Variants in FCHO2 observed in about 807,000 individuals in gnomAD.
The protein encoded by FCHO2 is F-BAR domain only protein 2.
A neutral mutation model predicts 114.1 loss-of-function variants in FCHO2; 43 were observed. The ratio of observed to expected loss-of-function variants is 0.38; its 90% CI spans 0.30 to 0.49. FCHO2 has a LOEUF of 0.49. FCHO2 is among the 20% of genes least tolerant of loss of function. The probability of loss-of-function intolerance (pLI) is 0.97; values close to 1 mark genes in which losing one functional copy is unlikely to be tolerated. For synonymous variants in FCHO2, 293 were observed against 315.2 expected, an observed-to-expected ratio of 0.93 and a Z score of 0.75; for missense variants, 807 against 950.4, an observed-to-expected ratio of 0.85 and a Z score of 1.98.
intron 2 of FCHO2, among the ~76,000 whole-genome samples, chr5:72,972,053 G>C (rs534363302): frequency 6.6e-6 from 1 of 151,978 alleles, no homozygotes; most frequent in East Asian, 1.9e-4. Flanking sequence ...CTGTTCCATT[G>C]ATCTATATCT....
chr5:73,049,886 A>G (rs911552947), intron 11 of FCHO2, among the ~76,000 whole-genome samples: 2 of 152,162 alleles, frequency 1.3e-5, no homozygotes, highest in Non-Finnish European at 2.9e-5. Flanking sequence ...ATACACATAG[A>G]TATATACATA....
intron 2 of FCHO2, among the ~76,000 whole-genome samples, chr5:72,988,656 G>A (rs1753663746): frequency 6.6e-6 from 1 of 152,150 alleles, no homozygotes; most frequent in Admixed American, 6.5e-5. Flanking sequence ...AGCCATGAAT[G>A]AAGTTCAGGA....
chr5:73,047,514 C>T (rs1280689173), intron 11 of FCHO2, among the ~76,000 whole-genome samples: 2 of 151,248 alleles, frequency 1.3e-5, no homozygotes, highest in Non-Finnish European at 2.9e-5. Context: ...TAAAAATTAG[C>T]AGTATTTCCT....
chr5:72,972,816 C>G (rs1752637627), intron 2 of FCHO2, among the ~76,000 whole-genome samples: 1 of 152,206 alleles, frequency 6.6e-6, no homozygotes, highest in South Asian at 2.1e-4. Context: ...TTTGCCCATT[C>G]AGTATGATAT....
intron 2 of FCHO2, among the ~76,000 whole-genome samples, chr5:72,972,552 G>A (rs914750136): frequency 2.6e-5 from 4 of 151,986 alleles, no homozygotes; most frequent in African/African-American, 9.7e-5. Flanking sequence ...CATTGATTTT[G>A]TATCCTGAGA....
At chr5:73,054,594 T>A in intron 15 of FCHO2, 45 bp downstream of exon 15, 1 of 1,396,024 alleles carries the variant, frequency 7.2e-7, no homozygotes, top group Non-Finnish European at 9.8e-7. Flanking sequence ...TATTAAAATT[T>A]ATAAGGCAAT....
intron 6 of FCHO2, among the ~76,000 whole-genome samples, chr5:73,012,251 C>T (rs1350974813): frequency 6.6e-6 from 1 of 152,156 alleles, no homozygotes; most frequent in Non-Finnish European, 1.5e-5. Flanking sequence ...CTATTATAAT[C>T]TTCTGGTACC....
intron 1 of FCHO2, among the ~76,000 whole-genome samples, chr5:72,960,674 A>G (rs935609582): frequency 1.3e-5 from 2 of 152,192 alleles, no homozygotes; most frequent in Admixed American, 6.5e-5. Flanking sequence ...CAACATTGCT[A>G]TGTAATAATT....
At chr5:73,047,586 A>G (rs1401735366) in intron 11 of FCHO2, among the ~76,000 whole-genome samples, 3 of 149,618 alleles carry the variant, frequency 2.0e-5, no homozygotes, top group Admixed American at 6.7e-5. Flanking sequence ...TAACAGCTAC[A>G]TAGTATAATC....
rs750158834 is a variant in FCHO2, at chr5:72,968,507, A to G, written c.43A>G (p.Asn15Asp). The change falls in exon 2 of 26, where the codon AAT becomes GAT. Residue 15 changes from asparagine to aspartate, a missense_variant. Coordinates refer to ENST00000430046, the MANE Select transcript of FCHO2 (RefSeq NM_138782.3). ...TCTTTTTAAATTTTAGGGGGAAAAA[A>G]ATAGTGGCTTTGATGTCCTCTACCA... is the stretch of plus-strand genomic sequence containing the variant. ...YFVENFWGEK[N>D]SGFDVLYHNM... The G allele has an allele frequency of 2.0e-6, 3 of 1,507,356 alleles. No individual in the cohort carries two copies. The highest frequency in any genetic ancestry group is 1.8e-6 in the Non-Finnish European group (2 of 1,136,732). The allele number at this position is 1,507,356 out of a possible 1,614,324, so 93.4% of individuals were successfully genotyped here.
At chr5:73,000,471 T>TA (rs759939269) in intron 5 of FCHO2, among the ~76,000 whole-genome samples, 1,137 of 74,270 alleles carry the variant, frequency 0.015, 14 homozygotes, top group Middle Eastern at 0.035. Context: ...AACTCAGTCT[T>TA]AAAAAAAAAA....
At chr5:73,043,847 G>A (rs963031634) in intron 11 of FCHO2, among the ~76,000 whole-genome samples, 45 of 152,152 alleles carry the variant, frequency 3.0e-4, no homozygotes, top group East Asian at 1.9e-4. Context: ...GTAGAGAAAG[G>A]AGACTTGTTT....
chr5:72,987,590 G>A (rs1205256662), intron 2 of FCHO2, among the ~76,000 whole-genome samples: 2 of 149,806 alleles, frequency 1.3e-5, no homozygotes, highest in African/African-American at 2.5e-5. Flanking sequence ...TGCCAGCCTC[G>A]GCCTCCCAAA....
intron 1 of FCHO2, among the ~76,000 whole-genome samples, chr5:72,964,990 C>G (rs2112592529): frequency 6.6e-6 from 1 of 151,314 alleles, no homozygotes; most frequent in East Asian, 1.9e-4. Flanking sequence ...TAGCAGCCAT[C>G]TTGGTTATCA....
intron 1 of FCHO2, among the ~76,000 whole-genome samples, chr5:72,967,337 T>C (rs956986128): frequency 6.6e-6 from 1 of 152,158 alleles, no homozygotes; most frequent in African/African-American, 2.4e-5. Context: ...GCACATAGCC[T>C]CTTCTCTTTT....
At chr5:72,983,868 A>G (rs2112651510) in intron 2 of FCHO2, among the ~76,000 whole-genome samples, 1 of 151,918 alleles carries the variant, frequency 6.6e-6, no homozygotes, top group East Asian at 1.9e-4. Context: ...GTATGCATAT[A>G]TATATATATA....
chr5:72,956,122 AT>A lies in FCHO2; in HGVS notation c.31del (p.Trp11GlyfsTer15). 1 of 1,540,800 alleles carries A rather than the reference AT, an allele frequency of 6.5e-7. No individual in the cohort carries two copies. The highest frequency in any genetic ancestry group is 2.0e-5 in the Admixed American group (1 of 50,128). On this transcript the variant is annotated frameshift_variant, in exon 1 of 26. Coordinates refer to ENST00000430046, the MANE Select transcript of FCHO2 (RefSeq NM_138782.3). LOFTEE classifies it high-confidence loss of function. MVMAYFVE[N>X]FWGEKNSGFD... ...ATGGTCATGGCGTATTTCGTCGAGAATTTTTGGGTAAGCTTAGGATGTTGGA... is the reference window on the plus strand; with the variant it reads ...ATGGTCATGGCGTATTTCGTCGAGAATTTTGGGTAAGCTTAGGATGTTGGA...
At chr5:72,988,396 C>T (rs1307175300) in intron 2 of FCHO2, among the ~76,000 whole-genome samples, 1 of 152,120 alleles carries the variant, frequency 6.6e-6, no homozygotes, top group Non-Finnish European at 1.5e-5. Context: ...CAAGATTGCA[C>T]CACTGTACTC....
At chr5:72,976,115 C>G (rs1752853345) in intron 2 of FCHO2, among the ~76,000 whole-genome samples, 1 of 152,054 alleles carries the variant, frequency 6.6e-6, no homozygotes, top group South Asian at 2.1e-4. Flanking sequence ...TTCTTATTGC[C>G]CCACATCCTT....
Sources: gnomAD v4.1 joint callset for allele counts (sites outside exome capture counted in the v4.1 genomes callset) on GRCh38, gnomAD v4.1.1 for gene constraint, MANE v1.5 for transcripts, NCBI Gene and HGNC (gene_info 2026-07-23, HGNC 2026-07-21) for gene names.